Variants in SOX6 observed in about 807,000 individuals in gnomAD.
SOX6 encodes the protein SRY-box transcription factor 6, also known as transcription factor SOX-6.
SOX6 carries 11 observed loss-of-function variants against 97.8 expected under a neutral mutation model. That is an observed-to-expected ratio of 0.11 (90% confidence interval 0.07 to 0.19). The LOEUF is 0.19. Among genes scored for constraint, SOX6 ranks in the 10% least tolerant of loss-of-function variants. SOX6 has a pLI of 1.00. For missense variants in SOX6, 810 were observed against 1,039.5 expected (o/e 0.78, Z 3.04); for synonymous variants, 360 against 371.4 (o/e 0.97, Z 0.35).
At chr11:16,259,638 A>T (rs4376869) in intron 3 of SOX6, among the ~76,000 whole-genome samples, 144,698 of 152,240 alleles carry the variant, frequency 0.95, 69,184 homozygotes, top group East Asian at 1. Context: ...AGACATTATG[A>T]TGAGTGGAAA....
chr11:16,612,007 C>T (rs2133983013), intron 4 of SOX6: 1 of 152,754 alleles, frequency 6.5e-6, no homozygotes, highest in East Asian at 1.9e-4. Context: ...CTTCTGCTGT[C>T]TAAGGTGCAA....
chr11:16,701,779 G>T (rs1423455484), intron 3 of SOX6, among the ~76,000 whole-genome samples: 1 of 135,630 alleles, frequency 7.4e-6, no homozygotes, highest in Admixed American at 7.4e-5. Flanking sequence ...GGTTCGGGGG[G>T]GTGGGAGGGG....
intron 3 of SOX6, among the ~76,000 whole-genome samples, chr11:16,673,087 A>T (rs1232859947): frequency 6.6e-6 from 1 of 152,160 alleles, no homozygotes; most frequent in Non-Finnish European, 1.5e-5. Context: ...CAAAAACAAA[A>T]ACAAAACAAT....
At chr11:16,309,588 G>GATTCAAT (rs1187223130) in intron 3 of SOX6, among the ~76,000 whole-genome samples, 1 of 152,094 alleles carries the variant, frequency 6.6e-6, no homozygotes, top group African/African-American at 2.4e-5. Flanking sequence ...AACATAAGTA[G>GATTCAAT]ATTCAATAGT....
chr11:16,123,242 C>T (rs1311819994), intron 6 of SOX6, among the ~76,000 whole-genome samples: 6 of 151,992 alleles, frequency 3.9e-5, no homozygotes, highest in Non-Finnish European at 8.8e-5. Flanking sequence ...ACTGTGAGCT[C>T]ATTATGCAAT....
chr11:16,506,610 G>C (rs752862977), intron 4 of SOX6, among the ~76,000 whole-genome samples: 1 of 152,206 alleles, frequency 6.6e-6, no homozygotes, highest in Non-Finnish European at 1.5e-5. Flanking sequence ...GCCAAGGGCA[G>C]GATGATATGG....
At chr11:15,991,852 C>G (rs1854062146) in intron 13 of SOX6, among the ~76,000 whole-genome samples, 1 of 152,116 alleles carries the variant, frequency 6.6e-6, no homozygotes, top group Non-Finnish European at 1.5e-5. Context: ...CATACATATG[C>G]CCAATCTCTC....
chr11:16,724,149 A>G (rs975286232), intron 2 of SOX6, among the ~76,000 whole-genome samples: 1 of 152,226 alleles, frequency 6.6e-6, no homozygotes, highest in Non-Finnish European at 1.5e-5. Context: ...TTGAAAGAGG[A>G]TAAGTCTCCT....
intron 6 of SOX6, among the ~76,000 whole-genome samples, chr11:16,150,171 A>G (rs1016472928): frequency 6.6e-6 from 1 of 152,176 alleles, no homozygotes; most frequent in African/African-American, 2.4e-5. Flanking sequence ...AAATAACAAT[A>G]TTGATTACAG....
At chr11:15,982,074 G>A (rs1853671130) in intron 15 of SOX6, among the ~76,000 whole-genome samples, 1 of 151,970 alleles carries the variant, frequency 6.6e-6, no homozygotes, top group African/African-American at 2.4e-5. Context: ...AGAAGGTGCA[G>A]ATCTAGTATT....
chr11:16,374,241 C>G (rs151197784), intron 1 of SOX6, among the ~76,000 whole-genome samples: 3,631 of 152,024 alleles, frequency 0.024, 136 homozygotes, highest in African/African-American at 0.083. Context: ...GAAGTATACC[C>G]AAAAAATAAG....
In SOX6 at chr11:16,132,334, A is replaced by G. The variant is rs1195510217; in HGVS notation, c.778-20411T>C. 5.4e-4 allele frequency among the ~76,000 whole-genome samples: 48 copies of G among 88,182 alleles called. 2 individuals are homozygous for G. The highest frequency in any genetic ancestry group is 1.4e-3 in the African/African-American group (31 of 22,758). The allele number at this position is 88,182 out of a possible 152,430, so 57.9% of individuals were successfully genotyped here. On this transcript the variant is annotated intron_variant, in intron 6 of 15. Coordinates refer to ENST00000683767, the MANE Select transcript of SOX6 (RefSeq NM_001367873.1). ...AGGAAGGAAGGAAGGAAGGAAGGAA[A>G]GAAAAAAGAAAGAAAGAAAGAAAGA... is the stretch of plus-strand genomic sequence containing the variant.
chr11:16,263,200 AAG>A (rs1382320834), intron 3 of SOX6, among the ~76,000 whole-genome samples: 6 of 151,920 alleles, frequency 3.9e-5, no homozygotes, highest in Non-Finnish European at 8.8e-5. Flanking sequence ...CTAAACTTAA[AAG>A]AGACTCCAAT....
intron 3 of SOX6, among the ~76,000 whole-genome samples, chr11:16,260,248 C>T (rs1218837844): frequency 6.6e-6 from 1 of 152,110 alleles, no homozygotes; most frequent in Admixed American, 6.6e-5. Context: ...GATCCACTCA[C>T]CTCGGCCTCC....
At chr11:16,001,175 A>T (rs943396528) in intron 13 of SOX6, among the ~76,000 whole-genome samples, 1 of 152,076 alleles carries the variant, frequency 6.6e-6, no homozygotes, top group African/African-American at 2.4e-5. Context: ...GGAAACAAAC[A>T]TTTCATTAAT....
At position 16,514,792 on chromosome 11, in the gene SOX6, C is replaced by T. The variant is rs75932848; in HGVS notation, n.610-38404G>A. 4.7e-4 allele frequency among the ~76,000 whole-genome samples: 70 copies of T among 149,066 alleles called. No individual in the cohort carries two copies. The East Asian group carries it at 8.4e-3, about 18-fold the overall frequency. ...ATTGCCACCTATGAGTGAGAATATG[C>T]GGTGTTTGGCTTTTTGTGCTTGCGA... is the stretch of plus-strand genomic sequence containing the variant. On this transcript the variant is annotated intron_variant and non_coding_transcript_variant, in intron 4 of 5. Transcript: ENST00000524520.
At chr11:16,344,520 T>C (rs1856724679) in intron 1 of SOX6, among the ~76,000 whole-genome samples, 1 of 151,952 alleles carries the variant, frequency 6.6e-6, no homozygotes, top group African/African-American at 2.4e-5. Flanking sequence ...CTATAACCAC[T>C]GTACCATAGT....
At chr11:16,451,425 G>A (rs1393587284) in intron 1 of SOX6, among the ~76,000 whole-genome samples, 1 of 152,110 alleles carries the variant, frequency 6.6e-6, no homozygotes. Context: ...AAGATTGGAT[G>A]TCTGCTAAGG....
intron 3 of SOX6, among the ~76,000 whole-genome samples, chr11:16,681,314 A>T (rs981598471): frequency 6.6e-6 from 1 of 152,180 alleles, no homozygotes; most frequent in Non-Finnish European, 1.5e-5. Context: ...CTCACTCAAA[A>T]CTACACAACT....
Sources: allele counts gnomAD v4.1 joint callset (sites outside exome capture counted in the v4.1 genomes callset), GRCh38; gene constraint gnomAD v4.1.1; transcripts MANE v1.5; gene names NCBI Gene and HGNC (gene_info 2026-07-23, HGNC 2026-07-21).